The following SLC25A21 variants were observed in gnomAD, a reference collection of about 807,000 sequenced individuals.
SLC25A21 encodes the protein mitochondrial 2-oxodicarboxylate carrier.
In SLC25A21, 47 loss-of-function variants were observed where a neutral mutation model predicts 43.8. That is an observed-to-expected ratio of 1.07 (90% confidence interval 0.85 to 1.37). The LOEUF is 1.37. Ranked by LOEUF, SLC25A21 falls within the 40% of genes most tolerant of loss-of-function variation. The probability of loss-of-function intolerance (pLI) is 0.00; values close to 1 mark genes in which losing one functional copy is unlikely to be tolerated. For synonymous variants in SLC25A21, 131 were observed against 121.3 expected, an observed-to-expected ratio of 1.08 and a Z score of -0.52; for missense variants, 352 against 350.2, an observed-to-expected ratio of 1.00 and a Z score of -0.04.
intron 1 of SLC25A21, among the ~76,000 whole-genome samples, chr14:36,921,291 T>G (rs1411624338): frequency 6.6e-6 from 1 of 152,126 alleles, no homozygotes; most frequent in Non-Finnish European, 1.5e-5. Context: ...GATTTTACAC[T>G]GAAGAGTAGT....
chr14:37,049,341 G>A (rs1238100735), intron 1 of SLC25A21, among the ~76,000 whole-genome samples: 1 of 152,200 alleles, frequency 6.6e-6, no homozygotes, highest in Non-Finnish European at 1.5e-5. Context: ...GCAGGCCAAG[G>A]TGGGAGGATG....
chr14:36,951,235 CAA>C (rs34543759), intron 1 of SLC25A21, among the ~76,000 whole-genome samples: 2,909 of 131,658 alleles, frequency 0.022, 79 homozygotes, highest in African/African-American at 0.071. Context: ...ACTGCCATTA[CAA>C]AAAAAAAAAA....
intron 3 of SLC25A21, among the ~76,000 whole-genome samples, chr14:36,799,716 A>C (rs1887801607): frequency 6.6e-6 from 1 of 152,184 alleles, no homozygotes; most frequent in African/African-American, 2.4e-5. Context: ...GAGAAATTGG[A>C]CAAGTTACAC....
intron 1 of SLC25A21, among the ~76,000 whole-genome samples, chr14:37,126,004 G>T (rs1963291130): frequency 6.6e-6 from 1 of 152,162 alleles, no homozygotes; most frequent in Non-Finnish European, 1.5e-5. Context: ...AATATATAAA[G>T]ATGTGGTCCC....
intron 1 of SLC25A21, among the ~76,000 whole-genome samples, chr14:37,042,942 T>C (rs1046893674): frequency 6.6e-6 from 1 of 152,210 alleles, no homozygotes; most frequent in Non-Finnish European, 1.5e-5. Flanking sequence ...GTTGAGGCCA[T>C]GGAAATCCAA....
intron 3 of SLC25A21, among the ~76,000 whole-genome samples, chr14:36,754,871 G>A (rs1045386543): frequency 1.4e-4 from 22 of 152,144 alleles, no homozygotes; most frequent in African/African-American, 5.3e-4. Context: ...ACTGCCAGTA[G>A]CAAAATCGGT....
At chr14:36,793,210 G>A (rs983833824) in intron 3 of SLC25A21, among the ~76,000 whole-genome samples, 1 of 152,170 alleles carries the variant, frequency 6.6e-6, no homozygotes, top group Admixed American at 6.6e-5. Flanking sequence ...TGTATACCAT[G>A]TGGGGACTGC....
chr14:36,830,134 T>C (rs1474428513), intron 2 of SLC25A21, among the ~76,000 whole-genome samples: 1 of 152,152 alleles, frequency 6.6e-6, no homozygotes, highest in Non-Finnish European at 1.5e-5. Context: ...ACCACATTAC[T>C]TCTTAGGCGG....
intron 1 of SLC25A21, among the ~76,000 whole-genome samples, chr14:37,096,541 C>T (rs72669537): frequency 0.025 from 3,765 of 152,198 alleles, 126 homozygotes; most frequent in Admixed American, 0.093. Flanking sequence ...ATCTTGTAAA[C>T]ACTTTGTTCC....
At chr14:37,126,841 G>A (rs1361451724) in intron 1 of SLC25A21, among the ~76,000 whole-genome samples, 1 of 152,148 alleles carries the variant, frequency 6.6e-6, no homozygotes. Flanking sequence ...AAAACACTTA[G>A]GTCAATGGTT....
At chr14:37,111,626 C>T (rs1430325924) in intron 1 of SLC25A21, among the ~76,000 whole-genome samples, 1 of 152,102 alleles carries the variant, frequency 6.6e-6, no homozygotes, top group Non-Finnish European at 1.5e-5. Context: ...TCATATTTCT[C>T]ATCTATACCA....
chr14:37,091,956 T>C (rs1962595140), intron 1 of SLC25A21, among the ~76,000 whole-genome samples: 1 of 152,046 alleles, frequency 6.6e-6, no homozygotes, highest in Non-Finnish European at 1.5e-5. Flanking sequence ...GGCAAAACCC[T>C]ATCTTTACAA....
intron 1 of SLC25A21, among the ~76,000 whole-genome samples, chr14:37,040,059 G>T (rs958383332): frequency 6.6e-6 from 1 of 151,150 alleles, no homozygotes; most frequent in East Asian, 2.0e-4. Flanking sequence ...AATTAGCTGC[G>T]TGTGGTGGCA....
chr14:36,768,403 A>C (rs1200257440), intron 3 of SLC25A21, among the ~76,000 whole-genome samples: 1 of 152,224 alleles, frequency 6.6e-6, no homozygotes, highest in Non-Finnish European at 1.5e-5. Flanking sequence ...TTTGATTACC[A>C]ATTTTTTTAA....
At chr14:36,928,584 C>A (rs1429436960) in intron 1 of SLC25A21, among the ~76,000 whole-genome samples, 3 of 152,162 alleles carry the variant, frequency 2.0e-5, no homozygotes, top group Non-Finnish European at 1.5e-5. Flanking sequence ...GTCTGGGTTA[C>A]AATGAGTGCA....
chr14:36,952,356 T>C lies in SLC25A21; in HGVS notation c.71-77352A>G, dbSNP rs553761920. Reference sequence around the variant, plus strand: ...AAATAGAAACAAATAGAAATTTATATGTAAATTCTATTTCCTGCTTAAATA... The same window carrying C: ...AAATAGAAACAAATAGAAATTTATACGTAAATTCTATTTCCTGCTTAAATA... On this transcript the variant is annotated intron_variant, in intron 1 of 9. Transcript: ENST00000331299. The C allele has an allele frequency of 5.2e-5, 8 of 153,394 alleles. No homozygotes were observed. The South Asian group carries it at 1.6e-3, about 32-fold the overall frequency. 9.5% of individuals were successfully genotyped at this position (153,394 alleles called of 1,614,324 possible). A position where few individuals can be genotyped will look rare whatever the true frequency, so the allele number is the denominator to read the frequency against.
intron 7 of SLC25A21, among the ~76,000 whole-genome samples, chr14:36,691,908 A>G (rs764134557): frequency 6.6e-6 from 1 of 152,232 alleles, no homozygotes; most frequent in Non-Finnish European, 1.5e-5. Context: ...TGAATATTGC[A>G]TGCATTGACT....
chr14:36,913,888 G>A (rs1040202745), intron 1 of SLC25A21, among the ~76,000 whole-genome samples: 12 of 152,182 alleles, frequency 7.9e-5, no homozygotes, highest in Non-Finnish European at 8.8e-5. Flanking sequence ...AATAAAGCTT[G>A]AGGAATATTC....
intron 1 of SLC25A21, among the ~76,000 whole-genome samples, chr14:37,015,276 G>A (rs570702192): frequency 7.0e-5 from 10 of 142,360 alleles, no homozygotes; most frequent in Non-Finnish European, 1.2e-4. Flanking sequence ...CCACCTATGA[G>A]TGAGAACATG....
Sources: gnomAD v4.1 joint callset for allele counts (sites outside exome capture counted in the v4.1 genomes callset) on GRCh38, gnomAD v4.1.1 for gene constraint, MANE v1.5 for transcripts, NCBI Gene and HGNC (gene_info 2026-07-23, HGNC 2026-07-21) for gene names.